Variants in MDGA2 observed in about 807,000 individuals in gnomAD.
The protein encoded by MDGA2 is MAM domain-containing glycosylphosphatidylinositol anchor protein 2.
Under a neutral mutation model 117.8 loss-of-function variants are expected in MDGA2, and 40 were observed. That is an observed-to-expected ratio of 0.34 (90% CI 0.26 to 0.44). The LOEUF (loss-of-function observed/expected upper bound fraction) is 0.44. MDGA2 is among the 20% of genes least tolerant of loss of function. The pLI is 1.00. For missense variants in MDGA2, 1,123 were observed against 1,250.6 expected, an observed-to-expected ratio of 0.90 and a Z score of 1.54; for synonymous variants, 452 against 439.0, an observed-to-expected ratio of 1.03 and a Z score of -0.37.
chr14:47,447,357 G>C (rs1893145888), intron 1 of MDGA2, among the ~76,000 whole-genome samples: 1 of 152,158 alleles, frequency 6.6e-6, no homozygotes, highest in African/African-American at 2.4e-5. Flanking sequence ...CATTTAGGGA[G>C]TTAGTGCAGG....
intron 4 of MDGA2, 50 bp downstream of exon 4, chr14:47,144,028 G>T (rs1005020630): frequency 7.5e-7 from 1 of 1,337,740 alleles, no homozygotes; most frequent in Non-Finnish European, 1.0e-6. Flanking sequence ...GCCTGAATTA[G>T]GAAAGTATCC....
chr14:47,582,186 C>T (rs745718396), intron 1 of MDGA2, among the ~76,000 whole-genome samples: 1 of 151,764 alleles, frequency 6.6e-6, no homozygotes, highest in South Asian at 2.1e-4. Flanking sequence ...AGTATTATGG[C>T]ACACACTGCT....
chr14:47,022,108 A>G (rs72678430), intron 8 of MDGA2, among the ~76,000 whole-genome samples: 22,870 of 152,066 alleles, frequency 0.15, 1,820 homozygotes, highest in Admixed American at 0.22. Context: ...TTTTCGAGAC[A>G]GGGTTTCACT....
intron 8 of MDGA2, among the ~76,000 whole-genome samples, chr14:46,959,323 A>G (rs1020211768): frequency 6.6e-6 from 1 of 151,030 alleles, no homozygotes; most frequent in South Asian, 2.1e-4. Context: ...ATATATATAT[A>G]TAGTCTAACA....
intron 5 of MDGA2, among the ~76,000 whole-genome samples, chr14:47,122,305 T>A (rs1193166492): frequency 6.6e-6 from 1 of 152,022 alleles, no homozygotes; most frequent in Non-Finnish European, 1.5e-5. Flanking sequence ...GGTAGAGTTG[T>A]TTAAGGCTCC....
At chr14:47,442,465 G>A (rs1460554049) in intron 1 of MDGA2, among the ~76,000 whole-genome samples, 2 of 152,110 alleles carry the variant, frequency 1.3e-5, no homozygotes, top group African/African-American at 2.4e-5. Context: ...TTAGTCAGAG[G>A]AGGCTGGTGC....
At chr14:47,147,157 A>C (rs1175330352) in intron 3 of MDGA2, among the ~76,000 whole-genome samples, 1 of 151,374 alleles carries the variant, frequency 6.6e-6, no homozygotes, top group African/African-American at 2.4e-5. Context: ...GCCCATGTGT[A>C]GATATACATA....
chr14:46,997,489 C>T (rs1159232043), intron 8 of MDGA2, among the ~76,000 whole-genome samples: 1 of 152,144 alleles, frequency 6.6e-6, no homozygotes, highest in Admixed American at 6.6e-5. Context: ...AGCAGTATTA[C>T]TTAAATAACA....
chr14:47,624,772 A>G (rs1288430446), intron 1 of MDGA2, among the ~76,000 whole-genome samples: 2 of 152,204 alleles, frequency 1.3e-5, no homozygotes, highest in Non-Finnish European at 2.9e-5. Flanking sequence ...ATTTCTGCTT[A>G]TCTTCTTCAT....
chr14:47,146,433 T>C (rs918297410), intron 3 of MDGA2, among the ~76,000 whole-genome samples: 1 of 152,212 alleles, frequency 6.6e-6, no homozygotes, highest in African/African-American at 2.4e-5. Flanking sequence ...TGCAGCGATA[T>C]ATGCTGTCTG....
chr14:47,026,206 G>A (rs993441686), intron 8 of MDGA2, among the ~76,000 whole-genome samples: 1 of 152,106 alleles, frequency 6.6e-6, no homozygotes, highest in Non-Finnish European at 1.5e-5. Context: ...TATGAATACT[G>A]CCTGTAGGTG....
chr14:47,135,484 T>TA (rs1882407848), intron 4 of MDGA2, among the ~76,000 whole-genome samples: 1 of 152,174 alleles, frequency 6.6e-6, no homozygotes, highest in Non-Finnish European at 1.5e-5. Flanking sequence ...TTTGCTAGCA[T>TA]ACATTATAGG....
At chr14:47,103,947 C>CA (rs1171438444) in intron 5 of MDGA2, among the ~76,000 whole-genome samples, 1 of 152,100 alleles carries the variant, frequency 6.6e-6, no homozygotes, top group Non-Finnish European at 1.5e-5. Context: ...ACAAAAGAGT[C>CA]AAAGAATCCC....
chr14:47,524,890 C>A (rs1175058137), intron 1 of MDGA2, among the ~76,000 whole-genome samples: 1 of 152,150 alleles, frequency 6.6e-6, no homozygotes, highest in Non-Finnish European at 1.5e-5. Flanking sequence ...GAAAATACAA[C>A]CATCAGTCAC....
rs539500673 is a variant in MDGA2 at position 47,310,482 on chromosome 14, T to A, written c.281-8932A>T. Reference sequence around the variant, plus strand: ...GAAAATCCATCAAATATCTAACTAATCTCATGTTGCTCAAACGACTTGTAT... The same window carrying A: ...GAAAATCCATCAAATATCTAACTAAACTCATGTTGCTCAAACGACTTGTAT... On this transcript the variant is annotated intron_variant, in intron 1 of 16. Coordinates refer to ENST00000399232, the MANE Select transcript of MDGA2 (RefSeq NM_001113498.3). Among the ~76,000 whole-genome samples the A allele has an allele frequency of 4.6e-5, 7 of 152,230 alleles. No homozygotes were observed. In the East Asian group the frequency reaches 1.4e-3, roughly 29 times the overall value.
At chr14:47,609,664 ACT>A (rs965264143) in intron 1 of MDGA2, among the ~76,000 whole-genome samples, 18 of 151,356 alleles carry the variant, frequency 1.2e-4, no homozygotes, top group African/African-American at 4.4e-4. Flanking sequence ...GAATCTCCAC[ACT>A]GTTTTCCATA....
intron 1 of MDGA2, among the ~76,000 whole-genome samples, chr14:47,451,343 A>C (rs1388645465): frequency 6.9e-6 from 1 of 144,044 alleles, no homozygotes; most frequent in Non-Finnish European, 1.5e-5. Flanking sequence ...ATAGATTTGA[A>C]TGGAAAAGAA....
At chr14:47,538,312 T>A (rs1035331272) in intron 1 of MDGA2, among the ~76,000 whole-genome samples, 15 of 152,290 alleles carry the variant, frequency 9.8e-5, no homozygotes, top group African/African-American at 3.1e-4. Flanking sequence ...GTGAATTATT[T>A]TTTTTTCTAC....
chr14:47,500,782 T>G (rs1894383424), intron 1 of MDGA2, among the ~76,000 whole-genome samples: 1 of 152,114 alleles, frequency 6.6e-6, no homozygotes, highest in Non-Finnish European at 1.5e-5. Flanking sequence ...CTGTAGTTAG[T>G]TAGAAGCAAC....
Sources: allele counts gnomAD v4.1 joint callset (sites outside exome capture counted in the v4.1 genomes callset), GRCh38; gene constraint gnomAD v4.1.1; transcripts MANE v1.5; gene names NCBI Gene and HGNC (gene_info 2026-07-23, HGNC 2026-07-21).